EXOC4: variants seen among roughly 807,000 people sequenced by gnomAD.
The protein encoded by EXOC4 is SEC8-like 1.
A neutral mutation model predicts 107.2 loss-of-function variants in EXOC4; 71 were observed. The ratio of observed to expected loss-of-function variants is 0.66; its 90% confidence interval spans 0.55 to 0.81. The LOEUF is 0.81. EXOC4 is among the 30% of genes least tolerant of loss of function. The pLI, the probability that EXOC4 is intolerant of heterozygous loss-of-function variation, is 0.00. For missense variants in EXOC4, 1,108 were observed against 1,189.6 expected (o/e 0.93, Z 1.01); for synonymous variants, 456 against 441.2 (o/e 1.03, Z -0.42).
At chr7:133,989,495 G>T (rs545999212) in intron 14 of EXOC4, among the ~76,000 whole-genome samples, 8 of 151,814 alleles carry the variant, frequency 5.3e-5, no homozygotes, top group East Asian at 3.9e-4. Context: ...ACTAAAGGAA[G>T]GGGATTCAGT....
chr7:133,410,784 C>A (rs1401013956), intron 7 of EXOC4, among the ~76,000 whole-genome samples: 3 of 152,130 alleles, frequency 2.0e-5, no homozygotes, highest in Non-Finnish European at 4.4e-5. Context: ...TGAGATTATG[C>A]ATGTATACAG....
rs138993436 is a variant in EXOC4 at position 133,650,698 on chromosome 7, C to T, written c.1514+20557C>T. ...TTACACTAATAATCCTGGCCGACTT[C>T]GTATTGAAGCCCAAATCTGGAGGAG... On this transcript the variant is annotated intron_variant, in intron 10 of 17. Transcript: ENST00000253861. Among the ~76,000 whole-genome samples the T allele has an allele frequency of 5.8e-4, 89 of 152,186 alleles. 1 individual carries two copies. In the East Asian group the frequency reaches 0.012, roughly 21 times the overall value.
At chr7:133,690,350 A>G (rs1794392934) in intron 10 of EXOC4, among the ~76,000 whole-genome samples, 1 of 152,230 alleles carries the variant, frequency 6.6e-6, no homozygotes, top group African/African-American at 2.4e-5. Context: ...CCCTCGTGAG[A>G]TACCTCCTCC....
chr7:133,980,004 G>A (rs996589083), intron 14 of EXOC4, among the ~76,000 whole-genome samples: 4 of 151,996 alleles, frequency 2.6e-5, no homozygotes, highest in South Asian at 2.1e-4. Flanking sequence ...CTGAACTGGC[G>A]ACTGGAGAAA....
At chr7:133,905,392 C>T (rs554925601) in intron 12 of EXOC4, among the ~76,000 whole-genome samples, 59 of 152,132 alleles carry the variant, frequency 3.9e-4, no homozygotes, top group Non-Finnish European at 6.9e-4. Context: ...CCCTAATTAT[C>T]CACACCCCTT....
intron 9 of EXOC4, among the ~76,000 whole-genome samples, chr7:133,560,260 T>G (rs541821948): frequency 3.9e-5 from 6 of 152,210 alleles, no homozygotes; most frequent in South Asian, 2.1e-4. Context: ...GAAATTTGCC[T>G]TCTTATTTTG....
intron 14 of EXOC4, among the ~76,000 whole-genome samples, chr7:133,948,857 C>T (rs986644283): frequency 6.6e-6 from 1 of 152,250 alleles, no homozygotes; most frequent in Middle Eastern, 3.4e-3. Context: ...GAGTGCAGAC[C>T]AGAGTGTCTG....
intron 9 of EXOC4, among the ~76,000 whole-genome samples, chr7:133,581,529 C>A (rs576506228): frequency 2.0e-5 from 3 of 151,706 alleles, no homozygotes; most frequent in Non-Finnish European, 4.4e-5. Context: ...GAGGCCGAGG[C>A]GGGCGGATCA....
intron 7 of EXOC4, among the ~76,000 whole-genome samples, chr7:133,447,614 T>A (rs1356533015): frequency 1.3e-5 from 2 of 152,008 alleles, no homozygotes; most frequent in Non-Finnish European, 2.9e-5. Flanking sequence ...TAAGCTTTTT[T>A]CTGTTTATCA....
chr7:133,565,862 C>T (rs924095022), intron 9 of EXOC4, among the ~76,000 whole-genome samples: 1 of 152,072 alleles, frequency 6.6e-6, no homozygotes, highest in South Asian at 2.1e-4. Flanking sequence ...CTTTGAGAAC[C>T]TCTGGATACC....
chr7:133,965,804 A>G (rs929091879), intron 14 of EXOC4, among the ~76,000 whole-genome samples: 2 of 152,242 alleles, frequency 1.3e-5, no homozygotes, highest in South Asian at 4.1e-4. Context: ...TCTTGGCTAT[A>G]CGGGCTCTTT....
At chr7:133,684,537 A>G (rs1166043046) in intron 10 of EXOC4, among the ~76,000 whole-genome samples, 1 of 152,180 alleles carries the variant, frequency 6.6e-6, no homozygotes. Flanking sequence ...AAAATGGTGA[A>G]GAAAATATGT....
chr7:133,879,720 A>G (rs1328522744), intron 11 of EXOC4, among the ~76,000 whole-genome samples: 1 of 152,202 alleles, frequency 6.6e-6, no homozygotes. Flanking sequence ...TAGATTTTGA[A>G]GTATCATAGA....
intron 5 of EXOC4, among the ~76,000 whole-genome samples, chr7:133,317,692 T>A (rs1280953491): frequency 6.6e-6 from 1 of 151,854 alleles, no homozygotes; most frequent in African/African-American, 2.4e-5. Flanking sequence ...CTTTCTTTCT[T>A]TTTTTTTGAG....
intron 13 of EXOC4, among the ~76,000 whole-genome samples, chr7:133,927,369 TG>T (rs1800075812): frequency 6.6e-6 from 1 of 152,156 alleles, no homozygotes; most frequent in African/African-American, 2.4e-5. Flanking sequence ...GCCAGGAATG[TG>T]TTTAGATGTG....
intron 10 of EXOC4, among the ~76,000 whole-genome samples, chr7:133,816,925 C>T (rs10246250): frequency 0.028 from 4,270 of 152,056 alleles, 182 homozygotes; most frequent in African/African-American, 0.095. Flanking sequence ...GTTCATCGCC[C>T]GGTGTGGGGG....
At chr7:134,069,343 C>T (rs1032966964), downstream of EXOC4, among the ~76,000 whole-genome samples, 4 of 145,668 alleles carry the variant, frequency 2.7e-5, no homozygotes, top group African/African-American at 1.0e-4. Flanking sequence ...CCTCCTTCTC[C>T]TCCTCCTTCT....
At chr7:133,856,709 A>G (rs1798380753) in intron 11 of EXOC4, among the ~76,000 whole-genome samples, 1 of 152,212 alleles carries the variant, frequency 6.6e-6, no homozygotes, top group Non-Finnish European at 1.5e-5. Flanking sequence ...TAGGAGATCC[A>G]GATGCTTCAT....
intron 11 of EXOC4, among the ~76,000 whole-genome samples, chr7:133,877,758 G>A (rs545903657): frequency 9.9e-5 from 15 of 152,244 alleles, no homozygotes; most frequent in Middle Eastern, 6.8e-3. Context: ...ACATGCTCCC[G>A]TTTGCACACA....
Sources: allele counts gnomAD v4.1 joint callset (sites outside exome capture counted in the v4.1 genomes callset), GRCh38; gene constraint gnomAD v4.1.1; transcripts MANE v1.5; gene names NCBI Gene and HGNC (gene_info 2026-07-23, HGNC 2026-07-21).